Variants in FBXL17 observed in about 807,000 individuals in gnomAD.
FBXL17 encodes F-box/LRR-repeat protein 17.
A neutral mutation model predicts 66.2 loss-of-function variants in FBXL17; 22 were observed. The observed-to-expected ratio is 0.33, with a 90% confidence interval of 0.24 to 0.47. The LOEUF is 0.47. FBXL17 is among the 20% of genes least tolerant of loss of function. The pLI is 1.00. For missense variants in FBXL17, 878 were observed against 948.2 expected (o/e 0.93, Z 0.97); for synonymous variants, 474 against 400.5 (o/e 1.18, Z -2.19).
At chr5:108,040,318 C>G (rs950954344) in intron 6 of FBXL17, among the ~76,000 whole-genome samples, 4 of 152,110 alleles carry the variant, frequency 2.6e-5, no homozygotes, top group African/African-American at 9.7e-5. Flanking sequence ...TACATGGTGG[C>G]AGCATAAATT....
chr5:107,906,207 C>T (rs1580700883), intron 7 of FBXL17, among the ~76,000 whole-genome samples: 1 of 151,642 alleles, frequency 6.6e-6, no homozygotes, highest in South Asian at 2.1e-4. Flanking sequence ...AAGGCATGTT[C>T]CTTAAACATC....
chr5:107,975,353 G>T (rs531690813), intron 7 of FBXL17, among the ~76,000 whole-genome samples: 1 of 152,168 alleles, frequency 6.6e-6, no homozygotes, highest in African/African-American at 2.4e-5. Flanking sequence ...ATTATATAAT[G>T]TTCTTAATAT....
chr5:108,184,408 G>A (rs889629558), intron 6 of FBXL17, among the ~76,000 whole-genome samples: 2 of 151,836 alleles, frequency 1.3e-5, no homozygotes, highest in African/African-American at 4.8e-5. Context: ...CCGGGTTCAC[G>A]CCATTCTCCT....
In FBXL17 at chr5:108,296,671, C is replaced by A. The variant is rs35815258; in HGVS notation, c.1506+51728G>T. Among the ~76,000 whole-genome samples the A allele has an allele frequency of 7.2e-3, 1,095 of 151,746 alleles. 4 individuals carry two copies. The highest frequency in any genetic ancestry group is 0.01 in the Non-Finnish European group (708 of 67,684). ...CTTAAAGAACACACATTTTTAATAT[C>A]TTCGAAACCATGAAATGTCATTTCA... On this transcript the variant is annotated intron_variant, in intron 4 of 8. Transcript: ENST00000542267.
chr5:108,230,744 C>G (rs1173212482), intron 4 of FBXL17, among the ~76,000 whole-genome samples: 7 of 113,410 alleles, frequency 6.2e-5, no homozygotes, highest in Admixed American at 4.7e-4. Context: ...AAAAAAAAAG[C>G]AAAATCTAAA....
intron 7 of FBXL17, among the ~76,000 whole-genome samples, chr5:107,903,683 A>G (rs1430384577): frequency 6.6e-6 from 1 of 152,186 alleles, no homozygotes; most frequent in East Asian, 1.9e-4. Context: ...ATAAAAGGAA[A>G]AAGGTAAAGA....
chr5:108,130,658 G>T (rs905831278), intron 6 of FBXL17, among the ~76,000 whole-genome samples: 3 of 151,862 alleles, frequency 2.0e-5, no homozygotes, highest in Admixed American at 6.6e-5. Flanking sequence ...TTAACTTCTA[G>T]GTTGATAGAT....
At chr5:108,363,510 A>G (rs948541984) in intron 3 of FBXL17, among the ~76,000 whole-genome samples, 2 of 152,118 alleles carry the variant, frequency 1.3e-5, no homozygotes, top group African/African-American at 2.4e-5. Flanking sequence ...TTCAGAAACC[A>G]TAAATATCCG....
At chr5:108,095,865 T>A (rs1227113024) in intron 6 of FBXL17, among the ~76,000 whole-genome samples, 1 of 152,132 alleles carries the variant, frequency 6.6e-6, no homozygotes, top group African/African-American at 2.4e-5. Flanking sequence ...GAAAAACTGA[T>A]AAATCAATTT....
intron 1 of FBXL17, among the ~76,000 whole-genome samples, chr5:108,371,007 T>G (rs1335694128): frequency 6.6e-6 from 1 of 151,862 alleles, no homozygotes; most frequent in Non-Finnish European, 1.5e-5. Flanking sequence ...GAATTCAGGG[T>G]GGTCCCTGTA....
intron 4 of FBXL17, among the ~76,000 whole-genome samples, chr5:108,224,939 T>C (rs1191918430): frequency 1.3e-5 from 2 of 152,156 alleles, no homozygotes; most frequent in Non-Finnish European, 2.9e-5. Context: ...ATATATATTT[T>C]TTTATTGACA....
At chr5:108,204,894 T>G (rs1254697000) in intron 5 of FBXL17, among the ~76,000 whole-genome samples, 1 of 151,956 alleles carries the variant, frequency 6.6e-6, no homozygotes, top group Non-Finnish European at 1.5e-5. Flanking sequence ...AAAACCTAGC[T>G]CGATTATCAA....
At chr5:108,201,711 T>A (rs1313998602) in intron 5 of FBXL17, among the ~76,000 whole-genome samples, 1 of 152,020 alleles carries the variant, frequency 6.6e-6, no homozygotes, top group Non-Finnish European at 1.5e-5. Flanking sequence ...ATTCGGGCAG[T>A]CTGTTCTGCT....
chr5:107,982,418 C>A (rs1214847357), intron 7 of FBXL17, among the ~76,000 whole-genome samples: 2 of 151,872 alleles, frequency 1.3e-5, no homozygotes, highest in Non-Finnish European at 2.9e-5. Flanking sequence ...AGTGAGTACT[C>A]TTTGCTTTAT....
intron 4 of FBXL17, among the ~76,000 whole-genome samples, chr5:108,273,395 C>A (rs889974999): frequency 6.6e-6 from 1 of 151,426 alleles, no homozygotes; most frequent in Admixed American, 6.6e-5. Context: ...GTCTCTCTGG[C>A]CTCAATGCCA....
intron 3 of FBXL17, among the ~76,000 whole-genome samples, chr5:108,348,753 C>T (rs1466405270): frequency 6.6e-6 from 1 of 152,094 alleles, no homozygotes; most frequent in Non-Finnish European, 1.5e-5. Context: ...ACATTACAAG[C>T]CCTCCAAGGT....
chr5:108,358,403 G>A (rs941463140), intron 3 of FBXL17, among the ~76,000 whole-genome samples: 1 of 152,040 alleles, frequency 6.6e-6, no homozygotes, highest in African/African-American at 2.4e-5. Flanking sequence ...AAGAAAGGCT[G>A]CTTATTTCAC....
chr5:108,333,998 G>A (rs1181115027), intron 4 of FBXL17, among the ~76,000 whole-genome samples: 1 of 152,120 alleles, frequency 6.6e-6, no homozygotes, highest in African/African-American at 2.4e-5. Context: ...ACAATTAGAA[G>A]CTTGAGAAAT....
chr5:108,125,356 A>C (rs2149969546), intron 6 of FBXL17, among the ~76,000 whole-genome samples: 1 of 152,112 alleles, frequency 6.6e-6, no homozygotes, highest in East Asian at 1.9e-4. Context: ...CTCTGCTTGT[A>C]CTATACAGAA....
Sources: allele counts gnomAD v4.1 joint callset (sites outside exome capture counted in the v4.1 genomes callset), GRCh38; gene constraint gnomAD v4.1.1; transcripts MANE v1.5; gene names NCBI Gene and HGNC (gene_info 2026-07-23, HGNC 2026-07-21).